LRRC8E: variants seen among roughly 807,000 people sequenced by gnomAD.
LRRC8E encodes leucine rich repeat containing 8 VRAC subunit E.
A neutral mutation model predicts 6.1 loss-of-function variants in LRRC8E; 6 were observed. The ratio of observed to expected loss-of-function variants is 0.98; its 90% confidence interval spans 0.54 to 1.93. LRRC8E has a LOEUF of 1.93. Among genes scored for constraint, LRRC8E ranks in the 30% most tolerant of loss-of-function variants. The pLI is 0.01. For missense variants in LRRC8E, 1,028 were observed against 1,031.4 expected, an observed-to-expected ratio of 1.00 and a Z score of 0.04; for synonymous variants, 485 against 472.8, an observed-to-expected ratio of 1.03 and a Z score of -0.33.
At position 7,900,808 on chromosome 19, in the gene LRRC8E, A is replaced by G. The variant is rs1324727817; in HGVS notation, c.2286A>G (p.Glu762=). The G allele has an allele frequency of 1.3e-6, 2 of 1,597,942 alleles. No individual in the cohort carries two copies. The highest frequency in any genetic ancestry group is 8.5e-7 in the Non-Finnish European group (1 of 1,171,098). The change falls in exon 3 of 3, where the codon GAA becomes GAG. Residue 762 remains glutamate (E), a synonymous_variant. Transcript: ENST00000306708. This position sits in a 1 kb window ranked among gnomAD's most constrained non-coding sequence, Gnocchi z 5.0. ...LKGNRLEALP[E]ELGNCGGLKK... Reference sequence around the variant, plus strand: ...GCAACCGCTTAGAGGCGCTGCCAGAAGAACTTGGCAACTGTGGGGGGCTCA... The same window carrying G: ...GCAACCGCTTAGAGGCGCTGCCAGAGGAACTTGGCAACTGTGGGGGGCTCA...
intron 1 of LRRC8E, among the ~76,000 whole-genome samples, chr19:7,893,029 CAG>C (rs1317876532): frequency 6.6e-6 from 1 of 152,120 alleles, no homozygotes; most frequent in Non-Finnish European, 1.5e-5. Context: ...AGTTTTGAGA[CAG>C]AGTCTTGCAC....
At position 7,895,429 on chromosome 19, in the gene LRRC8E, G is replaced by A; in HGVS notation, c.-5-170G>A. The A allele has an allele frequency of 1.3e-6, 1 of 756,162 alleles. No individual in the cohort carries two copies. Among genetic ancestry groups the A allele is most frequent in the Non-Finnish European group, 2.1e-6 (1 of 466,894 alleles). 46.8% of individuals were successfully genotyped at this position (756,162 alleles called of 1,614,324 possible). A position where few individuals can be genotyped will look rare whatever the true frequency, so the allele number is the denominator to read the frequency against. ...AGGTGGTGACGTCTGCATGGAGGGT[G>A]ACTAAGGCCAGGCTAAGAGGGAAGT... On this transcript the variant is annotated intron_variant, in intron 1 of 2. Coordinates refer to ENST00000306708, the MANE Select transcript of LRRC8E (RefSeq NM_025061.6). The surrounding 1 kb of genome is among the most constrained non-coding windows in gnomAD (Gnocchi z 4.7).
chr19:7,890,555 C>T lies in LRRC8E; in HGVS notation c.-6+1955C>T, dbSNP rs140731193. On this transcript the variant is annotated intron_variant, in intron 1 of 2. Coordinates refer to ENST00000306708, the MANE Select transcript of LRRC8E (RefSeq NM_025061.6). ...CTGTAATCCCAGCTCTTTGGGAGGC[C>T]GAGGCAGGCAGATCATGAGATCAGG... Among the ~76,000 whole-genome samples, 23 of 151,804 alleles carry T rather than the reference C, an allele frequency of 1.5e-4. No homozygotes were observed. In the South Asian group the frequency reaches 1.9e-3, roughly 12 times the overall value.
chr19:7,897,859 T>C (rs1328841356), intron 2 of LRRC8E, among the ~76,000 whole-genome samples: 1 of 152,056 alleles, frequency 6.6e-6, no homozygotes, highest in Non-Finnish European at 1.5e-5. Flanking sequence ...GATTCGGAGT[T>C]GGGACTTCAA....
chr19:7,891,527 G>GTGTGTGTC (rs1981309296), intron 1 of LRRC8E, among the ~76,000 whole-genome samples: 1 of 144,222 alleles, frequency 6.9e-6, no homozygotes, highest in African/African-American at 2.5e-5. Context: ...CTGCTCGGGT[G>GTGTGTGTC]TGTGTGTGTG....
At position 7,899,572 on chromosome 19, in the gene LRRC8E, G is replaced by T. The variant is rs767158381; in HGVS notation, c.1050G>T (p.Glu350Asp). The change falls in exon 3 of 3, where the codon GAG (glutamate) becomes GAT (aspartate). Residue 350 changes from glutamate (E) to aspartate (D), a missense_variant. Physicochemically the swap from Glu to Asp is conservative, Grantham distance 45. Coordinates refer to ENST00000306708, the MANE Select transcript of LRRC8E (RefSeq NM_025061.6). ...KEYSFRSVREETGMGDIPDVK... is the reference protein window; with the variant it reads ...KEYSFRSVREDTGMGDIPDVK... ...ACTCCTTCCGTTCCGTGCGGGAGGA[G>T]ACTGGCATGGGGGACATTCCTGACG... The T allele has an allele frequency of 6.2e-7, 1 of 1,613,890 alleles. No individual in the cohort carries two copies. The highest frequency in any genetic ancestry group is 8.5e-7 in the Non-Finnish European group (1 of 1,180,048).
Position 7,895,580 on chromosome 19 carries a change from G to C in LRRC8E, c.-5-19G>C. 5 of 1,607,924 alleles carry C rather than the reference G, an allele frequency of 3.1e-6. No individual in the cohort carries two copies. The highest frequency in any genetic ancestry group is 4.3e-6 in the Non-Finnish European group (5 of 1,174,842). On this transcript the variant is annotated intron_variant, in intron 1 of 2. Coordinates refer to ENST00000306708, the MANE Select transcript of LRRC8E (RefSeq NM_025061.6). This position sits in a 1 kb window ranked among gnomAD's most constrained non-coding sequence, Gnocchi z 4.7. ...CTGAGGGTCTCTCTCTACACCCCCC[G>C]TCTCGTCCCGTCCCACAGGCAGCAT...
Position 7,899,726 on chromosome 19 carries a change from T to G in LRRC8E, c.1204T>G (p.Trp402Gly). 1 of 1,612,682 alleles carries G rather than the reference T, an allele frequency of 6.2e-7. No homozygotes were observed. Among genetic ancestry groups the G allele is most frequent in the East Asian group, 2.2e-5 (1 of 44,876 alleles). ...RLKQLNLNHE[W>G]TPEKLRQKLQ... is the part of the protein sequence containing the mutation. ...AAAGCAGCTCAATCTCAACCACGAG[T>G]GGACGCCCGAGAAGCTTCGACAGAA... The change falls in exon 3 of 3, where the codon TGG (tryptophan) becomes GGG (glycine). Residue 402 changes from tryptophan to glycine, a missense_variant. Transcript: ENST00000306708.
intron 1 of LRRC8E, among the ~76,000 whole-genome samples, chr19:7,891,853 G>A (rs1413743779): frequency 3.9e-5 from 6 of 151,936 alleles, no homozygotes; most frequent in African/African-American, 7.2e-5. Context: ...CAAATTATCC[G>A]CCTACCTTGG....
Position 7,899,913 on chromosome 19 carries a change from A to AGCTCAGCTT in LRRC8E, c.1396_1404dup (p.Ser466_Leu468dup). The AGCTCAGCTT allele has an allele frequency of 1.2e-6, 2 of 1,608,114 alleles. No individual in the cohort carries two copies. The highest frequency in any genetic ancestry group is 1.7e-6 in the Non-Finnish European group (2 of 1,179,998). On this transcript the variant is annotated inframe_insertion, in exon 3 of 3. Coordinates refer to ENST00000306708, the MANE Select transcript of LRRC8E (RefSeq NM_025061.6). ...CTGTCACAGCTGGTGCACTTGCAGG[A>AGCTCAGCTT]GCTCAGCTTGCTCCACTCGCCCGCC... is the stretch of plus-strand genomic sequence containing the variant.
Position 7,895,822 on chromosome 19 carries a change from C to A in LRRC8E, c.138+81C>A. The A allele has an allele frequency of 6.5e-7, 1 of 1,546,952 alleles. No individual in the cohort carries two copies. Reference sequence around the variant, plus strand: ...GGAAGTCGGGAAGCCTTCTCATCACCCAAGAAAGAGAGGAAACTGAAGACA... The same window carrying A: ...GGAAGTCGGGAAGCCTTCTCATCACACAAGAAAGAGAGGAAACTGAAGACA... On this transcript the variant is annotated intron_variant, in intron 2 of 2. Coordinates refer to ENST00000306708, the MANE Select transcript of LRRC8E (RefSeq NM_025061.6). The surrounding 1 kb of genome is among the most constrained non-coding windows in gnomAD (Gnocchi z 4.7).
intron 2 of LRRC8E, among the ~76,000 whole-genome samples, chr19:7,896,761 T>G (rs1483861294): frequency 6.6e-6 from 1 of 151,938 alleles, no homozygotes; most frequent in East Asian, 2.0e-4. Flanking sequence ...GTCCAGCTAA[T>G]TTTTAAATTT....
At chr19:7,898,405 G>A (rs1025440394) in intron 2 of LRRC8E, among the ~76,000 whole-genome samples, 1 of 151,802 alleles carries the variant, frequency 6.6e-6, no homozygotes, top group Non-Finnish European at 1.5e-5. Context: ...TGTCACCCAG[G>A]CTGGAGTACA....
At chr19:7,891,637 C>T (rs1319284370) in intron 1 of LRRC8E, among the ~76,000 whole-genome samples, 1 of 152,046 alleles carries the variant, frequency 6.6e-6, no homozygotes, top group East Asian at 1.9e-4. Flanking sequence ...GACGGAGTCT[C>T]GCTCTGTCGC....
Position 7,900,154 on chromosome 19 carries a change from C to T in LRRC8E, c.1632C>T (p.Ser544=). 6.2e-7 allele frequency: 1 copy of T among 1,612,990 alleles called. No individual in the cohort carries two copies. Among genetic ancestry groups the T allele is most frequent in the Non-Finnish European group, 8.5e-7 (1 of 1,179,966 alleles). Residue 544 remains serine, a synonymous_variant, in exon 3 of 3, where the codon AGC becomes AGT. Transcript: ENST00000306708. The surrounding 1 kb of genome is among the most constrained non-coding windows in gnomAD (Gnocchi z 5.0). ...LKQLKVLSLR[S]NAGKVPASVT... ...AGCTCAAGGTGTTGTCCCTCCGGAG[C>T]AACGCCGGGAAGGTGCCAGCCAGTG... is the stretch of plus-strand genomic sequence containing the variant.
rs1981821131 is a variant in LRRC8E at position 7,899,506 on chromosome 19, C to G, written c.984C>G (p.Ile328Met). 1 of 1,614,116 alleles carries G rather than the reference C, an allele frequency of 6.2e-7. No individual in the cohort carries two copies. Among genetic ancestry groups the G allele is most frequent in the Non-Finnish European group, 8.5e-7 (1 of 1,180,044 alleles). The change falls in exon 3 of 3, where the codon ATC becomes ATG. Residue 328 changes from isoleucine to methionine, a missense_variant. Transcript: ENST00000306708. ...SFVCIYGLTC[I>M]YTLYWLFHRP... is the part of the protein sequence containing the mutation. ...TGTGCATCTACGGACTTACCTGCATCTACACGCTCTACTGGCTCTTCCACC... is the reference window on the plus strand; with the variant it reads ...TGTGCATCTACGGACTTACCTGCATGTACACGCTCTACTGGCTCTTCCACC...
Position 7,899,551 on chromosome 19 carries a change from C to T in LRRC8E, c.1029C>T (p.Ser343=). ...TCCACCGGCCCCTCAAGGAGTACTC[C>T]TTCCGTTCCGTGCGGGAGGAGACTG... The part of the protein sequence containing the change: ...WLFHRPLKEY[S]FRSVREETGM... The change falls in exon 3 of 3, where the codon TCC becomes TCT. Residue 343 remains serine (S), a synonymous_variant. Coordinates refer to ENST00000306708, the MANE Select transcript of LRRC8E (RefSeq NM_025061.6). 1.2e-6 allele frequency: 2 copies of T among 1,613,990 alleles called. No individual in the cohort carries two copies. The highest frequency in any genetic ancestry group is 1.7e-6 in the Non-Finnish European group (2 of 1,180,040).
chr19:7,901,127 T>G lies in LRRC8E; in HGVS notation c.*214T>G. 2.1e-6 allele frequency: 1 copy of G among 485,532 alleles called. No homozygotes were observed. The highest frequency in any genetic ancestry group is 3.6e-6 in the Non-Finnish European group (1 of 277,226). The allele number at this position is 485,532 out of a possible 1,614,324, so 30.1% of individuals were successfully genotyped here. Reference sequence around the variant, plus strand: ...TGTGGAGCTGGGGTGGAACCTGGTATGGAGGGATTAACTCAGTCATGGCAT... The same window carrying G: ...TGTGGAGCTGGGGTGGAACCTGGTAGGGAGGGATTAACTCAGTCATGGCAT... On this transcript the variant is annotated 3_prime_UTR_variant, in exon 3 of 3. Coordinates refer to ENST00000306708, the MANE Select transcript of LRRC8E (RefSeq NM_025061.6).
At position 7,898,306 on chromosome 19, in the gene LRRC8E, G is replaced by A. The variant is rs1981711609; in HGVS notation, c.139-355G>A. Among the ~76,000 whole-genome samples the A allele has an allele frequency of 2.0e-5, 3 of 151,650 alleles. No individual in the cohort carries two copies. In the South Asian group the frequency reaches 6.2e-4, roughly 32 times the overall value. Reference sequence around the variant, plus strand: ...AACAGTCAGAGATGGGGGGTGCGGGGGGTCTCCCACCTTCAGCCTGCTTTT... The same window carrying A: ...AACAGTCAGAGATGGGGGGTGCGGGAGGTCTCCCACCTTCAGCCTGCTTTT... On this transcript the variant is annotated intron_variant, in intron 2 of 2. Transcript: ENST00000306708.
Sources: gnomAD v4.1 joint callset for allele counts (sites outside exome capture counted in the v4.1 genomes callset) on GRCh38, gnomAD v4.1.1 for gene constraint, Gnocchi (gnomAD v3.1) non-coding constraint, MANE v1.5 for transcripts, NCBI Gene and HGNC (gene_info 2026-07-23, HGNC 2026-07-21) for gene names.